YLPM1: variants seen among roughly 807,000 people sequenced by gnomAD.
YLPM1 encodes YLP motif containing 1, also known as YLP motif-containing protein 1.
YLPM1 carries 99 observed loss-of-function variants against 230.0 expected under a neutral mutation model. The observed-to-expected ratio is 0.43, with a 90% CI of 0.37 to 0.51. YLPM1 has a LOEUF of 0.51. Among genes scored for constraint, YLPM1 ranks in the 20% least tolerant of loss-of-function variants. The pLI is 0.00. For missense variants in YLPM1, 2,592 were observed against 2,707.7 expected, an observed-to-expected ratio of 0.96 and a Z score of 0.95; for synonymous variants, 984 against 942.5, an observed-to-expected ratio of 1.04 and a Z score of -0.81.
At chr14:74,815,746 A>T (rs2091473279) in intron 11 of YLPM1, among the ~76,000 whole-genome samples, 1 of 151,904 alleles carries the variant, frequency 6.6e-6, no homozygotes, top group Non-Finnish European at 1.5e-5. Flanking sequence ...TGGTTAAGTT[A>T]TTGATTTGAG....
At chr14:74,764,705 T>A (rs1170684581) in intron 1 of YLPM1, among the ~76,000 whole-genome samples, 1 of 152,206 alleles carries the variant, frequency 6.6e-6, no homozygotes, top group African/African-American at 2.4e-5. Context: ...TAAAATTGTA[T>A]TTTAAACGAA....
At chr14:74,835,535 G>C (rs779660427) in intron 20 of YLPM1, 88 bp downstream of exon 20, 62 of 1,168,094 alleles carry the variant, frequency 5.3e-5, no homozygotes, top group Non-Finnish European at 7.2e-5. Context: ...TGCTAAAAAT[G>C]CTCTCTTCTT....
In YLPM1 at chr14:74,781,789, C is replaced by G. The variant is rs768942005; in HGVS notation, c.1746C>G (p.Leu582=). ...SVPPPGMPPS[L]SSAGPPPVLP... ...CCCCACCAGGGATGCCTCCTTCTCTCTCTTCTGCAGGGCCACCACCAGTTC... is the reference window on the plus strand; with the variant it reads ...CCCCACCAGGGATGCCTCCTTCTCTGTCTTCTGCAGGGCCACCACCAGTTC... The change falls in exon 4 of 21, where the codon CTC becomes CTG. Residue 582 remains leucine (L), a synonymous_variant. Transcript: ENST00000325680. 1 of 1,612,380 alleles carries G rather than the reference C, an allele frequency of 6.2e-7. No homozygotes were observed. The highest frequency in any genetic ancestry group is 1.7e-5 in the Admixed American group (1 of 59,840).
chr14:74,836,987 C>T lies in YLPM1; in HGVS notation c.*1249C>T, dbSNP rs962197052. 6.6e-6 allele frequency: 1 copy of T among 152,188 alleles called. No individual in the cohort carries two copies. Among genetic ancestry groups the T allele is most frequent in the Non-Finnish European group, 1.5e-5 (1 of 68,034 alleles). 9.4% of individuals were successfully genotyped at this position (152,188 alleles called of 1,614,324 possible). On this transcript the variant is annotated 3_prime_UTR_variant, in exon 21 of 21. Transcript: ENST00000325680. The stretch of plus-strand genomic sequence containing the variant: ...ATAATTTGCATTTTGTAATCCAACT[C>T]AGTAATTTGTAAATGTGTTCACTGA...
chr14:74,767,309 C>A (rs1217704642), intron 1 of YLPM1, among the ~76,000 whole-genome samples: 1 of 152,156 alleles, frequency 6.6e-6, no homozygotes, highest in East Asian at 1.9e-4. Context: ...AAAAATAATT[C>A]TTTGATACCA....
intron 5 of YLPM1, among the ~76,000 whole-genome samples, chr14:74,800,054 T>A (rs1042360477): frequency 6.6e-6 from 1 of 152,262 alleles, no homozygotes; most frequent in African/African-American, 2.4e-5. Context: ...ATCAGTTTGT[T>A]CTTTGGTATT....
chr14:74,832,469 G>GT (rs1038028117), intron 19 of YLPM1, among the ~76,000 whole-genome samples: 3 of 147,990 alleles, frequency 2.0e-5, no homozygotes, highest in South Asian at 2.2e-4. Context: ...TTTGTTTTTT[G>GT]TTTTTTTGTT....
intron 14 of YLPM1, 33 bp from the exon 15 acceptor site, chr14:74,817,161 A>G: frequency 6.3e-7 from 1 of 1,595,634 alleles, no homozygotes; most frequent in South Asian, 1.1e-5. Context: ...AATGTTATAT[A>G]TCTTTGCCTA....
Position 74,824,255 on chromosome 14 carries a change from G to A in YLPM1, c.6112-1G>A. On this transcript the variant is annotated splice_acceptor_variant, in intron 17 of 20. Coordinates refer to ENST00000325680, the MANE Select transcript of YLPM1 (RefSeq NM_019589.3). LOFTEE classifies it high-confidence loss of function. ...CGAGCTTCTCTCTGTGTACGATTTA[G>A]GGTTACATTCCGAAAAGCAAATGGG... 1.2e-6 allele frequency: 2 copies of A among 1,612,066 alleles called. No homozygotes were observed. Among genetic ancestry groups the A allele is most frequent in the Non-Finnish European group, 8.5e-7 (1 of 1,178,724 alleles).
At chr14:74,822,660 A>C (rs1566765786) in intron 17 of YLPM1, among the ~76,000 whole-genome samples, 1 of 152,158 alleles carries the variant, frequency 6.6e-6, no homozygotes, top group Non-Finnish European at 1.5e-5. Flanking sequence ...TGCAGAATTG[A>C]AATCTTTTAC....
intron 1 of YLPM1, among the ~76,000 whole-genome samples, chr14:74,767,549 C>T (rs1020558851): frequency 6.6e-6 from 1 of 152,186 alleles, no homozygotes; most frequent in Admixed American, 6.6e-5. Context: ...TGTTTAACAG[C>T]GTCCCTGACC....
In YLPM1 at chr14:74,782,272, C is replaced by T. The variant is rs778333463; in HGVS notation, c.2229C>T (p.Gly743=). 7.0e-6 allele frequency: 11 copies of T among 1,575,534 alleles called. No homozygotes were observed. The East Asian group carries it at 1.3e-4, about 19-fold the overall frequency. ...AGGACATGCCAGTGAGATCAGGTGG[C>T]CTGCTTCCAGATCCTCCTAGAAGTA... is the stretch of plus-strand genomic sequence containing the variant. ...AVKDMPVRSG[G]LLPDPPRSSY... is the part of the protein sequence containing the mutation. Residue 743 remains glycine (G), a synonymous_variant, in exon 4 of 21, where the codon GGC becomes GGT. Coordinates refer to ENST00000325680, the MANE Select transcript of YLPM1 (RefSeq NM_019589.3).
intron 16 of YLPM1, among the ~76,000 whole-genome samples, chr14:74,818,713 T>G (rs576711849): frequency 1.3e-5 from 2 of 152,352 alleles, no homozygotes; most frequent in African/African-American, 4.8e-5. Flanking sequence ...ATTAAATTTC[T>G]TGAATTATCT....
chr14:74,764,737 A>T (rs564466718), intron 1 of YLPM1, among the ~76,000 whole-genome samples: 17 of 152,368 alleles, frequency 1.1e-4, no homozygotes, highest in Non-Finnish European at 2.2e-4. Context: ...GAGAGAAAGC[A>T]TGAAAAAGAG....
Position 74,836,041 on chromosome 14 carries a change from T to C in YLPM1, c.*303T>C, listed in dbSNP as rs2091641656. 2.7e-6 allele frequency: 1 copy of C among 372,412 alleles called. No individual in the cohort carries two copies. The highest frequency in any genetic ancestry group is 3.6e-5 in the Admixed American group (1 of 27,708). The allele number at this position is 372,412 out of a possible 1,614,324, so 23.1% of individuals were successfully genotyped here. Reference sequence around the variant, plus strand: ...GAGGATTCCAACAGAGAGTATTTCCTCCACTGTACAATGTCACAGACTATC... The same window carrying C: ...GAGGATTCCAACAGAGAGTATTTCCCCCACTGTACAATGTCACAGACTATC... On this transcript the variant is annotated 3_prime_UTR_variant, in exon 21 of 21. Transcript: ENST00000325680.
chr14:74,773,219 C>T (rs946228251), intron 1 of YLPM1, among the ~76,000 whole-genome samples: 4 of 151,920 alleles, frequency 2.6e-5, no homozygotes, highest in Admixed American at 1.3e-4. Flanking sequence ...ACTCGGGAGG[C>T]GGAGCTTGCA....
chr14:74,782,734 A>G (rs2091108580), intron 4 of YLPM1, among the ~76,000 whole-genome samples: 1 of 152,204 alleles, frequency 6.6e-6, no homozygotes, highest in African/African-American at 2.4e-5. Flanking sequence ...CCAATATTCT[A>G]CTGGCTTGAG....
At chr14:74,784,547 A>G (rs377345311) in intron 4 of YLPM1, among the ~76,000 whole-genome samples, 14 of 152,248 alleles carry the variant, frequency 9.2e-5, no homozygotes, top group East Asian at 7.7e-4. Flanking sequence ...CTTCTGACCC[A>G]CTTTAAGTCC....
At chr14:74,803,375 C>T (rs888227937) in intron 6 of YLPM1, among the ~76,000 whole-genome samples, 1 of 152,164 alleles carries the variant, frequency 6.6e-6, no homozygotes, top group Non-Finnish European at 1.5e-5. Flanking sequence ...AAAATGTTAT[C>T]TTGCAGGTAG....
Sources: allele counts gnomAD v4.1 joint callset (sites outside exome capture counted in the v4.1 genomes callset), GRCh38; gene constraint gnomAD v4.1.1; transcripts MANE v1.5; gene names NCBI Gene and HGNC (gene_info 2026-07-23, HGNC 2026-07-21).